Variants in OSBPL10 observed in about 807,000 individuals in gnomAD.
OSBPL10 encodes oxysterol binding protein like 10.
OSBPL10 carries 49 observed loss-of-function variants against 81.7 expected under a neutral mutation model. The observed-to-expected ratio is 0.60, with a 90% CI of 0.48 to 0.76. OSBPL10 has a LOEUF of 0.76. Among genes scored for constraint, OSBPL10 ranks in the 30% least tolerant of loss-of-function variants. OSBPL10 has a pLI of 0.00. For missense variants in OSBPL10, 923 were observed against 987.8 expected (o/e 0.93, Z 0.88); for synonymous variants, 419 against 383.6 (o/e 1.09, Z -1.08).
chr3:31,923,477 C>T (rs568946290), intron 1 of OSBPL10, among the ~76,000 whole-genome samples: 21 of 152,112 alleles, frequency 1.4e-4, no homozygotes, highest in Non-Finnish European at 2.2e-4. Flanking sequence ...TCTTCCTGTA[C>T]TTTTTGTTTG....
chr3:31,932,245 TAG>T (rs1428004975), intron 1 of OSBPL10, among the ~76,000 whole-genome samples: 4 of 152,298 alleles, frequency 2.6e-5, no homozygotes, highest in Middle Eastern at 3.4e-3. Flanking sequence ...TCCATTTCAC[TAG>T]AGTTTCCAAC....
At chr3:31,780,853 G>C (rs1698677318) in intron 4 of OSBPL10, among the ~76,000 whole-genome samples, 1 of 149,916 alleles carries the variant, frequency 6.7e-6, no homozygotes, top group Non-Finnish European at 1.5e-5. Flanking sequence ...AACAGTCTAG[G>C]ACTAGGTGGA....
intron 2 of OSBPL10, among the ~76,000 whole-genome samples, chr3:32,023,657 G>A (rs1037292653): frequency 2.0e-5 from 3 of 152,122 alleles, no homozygotes; most frequent in Non-Finnish European, 2.9e-5. Context: ...TCTTAGAACC[G>A]CTGGTGAAAA....
chr3:31,937,367 G>A (rs1697405976), intron 1 of OSBPL10, among the ~76,000 whole-genome samples: 1 of 152,050 alleles, frequency 6.6e-6, no homozygotes, highest in South Asian at 2.1e-4. Context: ...TGGTTATATG[G>A]ATTTGCTATA....
At position 32,026,056 on chromosome 3, in the gene OSBPL10, A is replaced by ATGATAGATAGATAGATAGATGAT. The variant is rs1559551448; in HGVS notation, n.298+20434_298+20435insATCATCTATCTATCTATCTATCA. 2.7e-3 allele frequency among the ~76,000 whole-genome samples: 279 copies of ATGATAGATAGATAGATAGATGAT among 104,346 alleles called. 2 individuals are homozygous for ATGATAGATAGATAGATAGATGAT. The highest frequency in any genetic ancestry group is 0.01 in the African/African-American group (261 of 25,518). The allele number at this position is 104,346 out of a possible 152,430, so 68.5% of individuals were successfully genotyped here. A position where few individuals can be genotyped will look rare whatever the true frequency, so the allele number is the denominator to read the frequency against. On this transcript the variant is annotated intron_variant and non_coding_transcript_variant, in intron 2 of 3. Transcript: ENST00000479173. ...GATAGATAGATAGATAGATAGATAG[A>ATGATAGATAGATAGATAGATGAT]TGATAGATAGATAGATAGATAGATA...
At chr3:31,952,839 T>C (rs898354770) in intron 1 of OSBPL10, among the ~76,000 whole-genome samples, 1 of 152,154 alleles carries the variant, frequency 6.6e-6, no homozygotes, top group South Asian at 2.1e-4. Flanking sequence ...TCAGTGACTT[T>C]AAACTGTGGC....
At chr3:31,714,314 G>C (rs1360319301) in intron 6 of OSBPL10, among the ~76,000 whole-genome samples, 1 of 152,210 alleles carries the variant, frequency 6.6e-6, no homozygotes, top group Non-Finnish European at 1.5e-5. Flanking sequence ...CTGCAGCCTT[G>C]CTGGGCAGAC....
At chr3:31,816,105 A>G (rs1449777079) in intron 4 of OSBPL10, among the ~76,000 whole-genome samples, 1 of 15,062 alleles carries the variant, frequency 6.6e-5, no homozygotes, top group Non-Finnish European at 1.6e-4. Context: ...TGAAAGGTAT[A>G]AAGTCAGTCT....
chr3:31,821,977 A>C (rs1466793538), intron 4 of OSBPL10, among the ~76,000 whole-genome samples: 5 of 152,248 alleles, frequency 3.3e-5, no homozygotes, highest in Non-Finnish European at 7.3e-5. Flanking sequence ...AGGAGAGAAT[A>C]CTGAGTTAAT....
intron 6 of OSBPL10, among the ~76,000 whole-genome samples, chr3:31,711,445 G>A (rs1200675091): frequency 6.6e-6 from 1 of 152,184 alleles, no homozygotes; most frequent in African/African-American, 2.4e-5. Flanking sequence ...TTTCATGGAG[G>A]AATCCTAGCT....
chr3:31,939,732 G>A (rs1240474865), intron 1 of OSBPL10, among the ~76,000 whole-genome samples: 1 of 152,070 alleles, frequency 6.6e-6, no homozygotes, highest in African/African-American at 2.4e-5. Flanking sequence ...ACACTCCTGG[G>A]TTTCTTTCTA....
Position 31,664,444 on chromosome 3 carries a change from A to G in OSBPL10, c.2097-212T>C, listed in dbSNP as rs1700142084. The G allele has an allele frequency of 1.3e-5, 8 of 596,094 alleles. No individual in the cohort carries two copies. The South Asian group carries it at 1.6e-4, about 12-fold the overall frequency. The allele number at this position is 596,094 out of a possible 1,614,324, so 36.9% of individuals were successfully genotyped here. On this transcript the variant is annotated intron_variant, in intron 10 of 11. Transcript: ENST00000396556. Reference sequence around the variant, plus strand: ...TGTGTTGTTTCTACTCTCCGCTTGTACCAGGCAGCATGCCTTTCTCAGGGC... The same window carrying G: ...TGTGTTGTTTCTACTCTCCGCTTGTGCCAGGCAGCATGCCTTTCTCAGGGC...
At chr3:31,691,589 T>C (rs1695551575) in intron 7 of OSBPL10, among the ~76,000 whole-genome samples, 3 of 152,100 alleles carry the variant, frequency 2.0e-5, no homozygotes, top group Non-Finnish European at 4.4e-5. Context: ...GGTGTGGTGG[T>C]GCAAGCCTGT....
At chr3:31,770,412 CTGTT>C (rs138573317) in intron 4 of OSBPL10, among the ~76,000 whole-genome samples, 4,106 of 152,244 alleles carry the variant, frequency 0.027, 184 homozygotes, top group African/African-American at 0.093. Context: ...CAGGTCATCT[CTGTT>C]TGTAAAGCTG....
chr3:31,792,860 C>CTGTGTGTG (rs6147757), intron 4 of OSBPL10, among the ~76,000 whole-genome samples: 4,769 of 126,446 alleles, frequency 0.038, 117 homozygotes, highest in East Asian at 0.076. Flanking sequence ...TCTAGGCACT[C>CTGTGTGTG]TGTGTGTGTG....
intron 1 of OSBPL10, among the ~76,000 whole-genome samples, chr3:31,962,677 C>T (rs974189459): frequency 3.9e-5 from 6 of 152,288 alleles, no homozygotes; most frequent in Admixed American, 2.0e-4. Flanking sequence ...TAAGTTGTAA[C>T]GCAAGCTCCC....
intron 8 of OSBPL10, among the ~76,000 whole-genome samples, chr3:31,672,195 A>G (rs1700339070): frequency 1.3e-5 from 2 of 152,072 alleles, no homozygotes; most frequent in South Asian, 2.1e-4. Context: ...GGAGCTCCAC[A>G]TGAACTATCT....
At chr3:31,989,216 G>T (rs1299063951) in intron 2 of OSBPL10, 1 of 1,614,154 alleles carries the variant, frequency 6.2e-7, no homozygotes, top group Admixed American at 1.7e-5. Context: ...CCTACGCAGA[G>T]GGCTTTATAC....
At chr3:31,739,851 T>G (rs1451716345) in intron 5 of OSBPL10, among the ~76,000 whole-genome samples, 1 of 152,262 alleles carries the variant, frequency 6.6e-6, no homozygotes, top group Non-Finnish European at 1.5e-5. Context: ...GATATTTTGT[T>G]CATTATCAAT....
Sources: allele counts gnomAD v4.1 joint callset (sites outside exome capture counted in the v4.1 genomes callset), GRCh38; gene constraint gnomAD v4.1.1; transcripts MANE v1.5; gene names NCBI Gene and HGNC (gene_info 2026-07-23, HGNC 2026-07-21).